Variants in TMEM266 observed in about 807,000 individuals in gnomAD.
TMEM266 encodes Hv1 related protein 1.
TMEM266 carries 33 observed loss-of-function variants against 50.5 expected under a neutral mutation model. The observed-to-expected ratio is 0.65, with a 90% CI of 0.50 to 0.87. The LOEUF is 0.87. TMEM266 is among the 40% of genes least tolerant of loss of function. The pLI is 0.00. For synonymous variants in TMEM266, 310 were observed against 292.3 expected (o/e 1.06, Z -0.62); for missense variants, 655 against 695.1 (o/e 0.94, Z 0.65).
intron 9 of TMEM266, among the ~76,000 whole-genome samples, chr15:76,198,106 G>A (rs1367681243): frequency 6.6e-6 from 1 of 152,172 alleles, no homozygotes; most frequent in Non-Finnish European, 1.5e-5. Context: ...AAACATTCAT[G>A]ATCTCAGGGA....
At chr15:76,099,036 T>C (rs567165645) in intron 1 of TMEM266, among the ~76,000 whole-genome samples, 1 of 152,322 alleles carries the variant, frequency 6.6e-6, no homozygotes, top group East Asian at 1.9e-4. Context: ...TGGGACCCAC[T>C]GAGCCAGACC....
At chr15:76,189,950 C>G (rs2038542909) in intron 8 of TMEM266, among the ~76,000 whole-genome samples, 1 of 152,238 alleles carries the variant, frequency 6.6e-6, no homozygotes, top group South Asian at 2.1e-4. Flanking sequence ...GTCCCAGAGA[C>G]CGAACCTATA....
chr15:76,138,129 G>A (rs904511358), intron 3 of TMEM266, among the ~76,000 whole-genome samples: 2 of 150,308 alleles, frequency 1.3e-5, no homozygotes, highest in East Asian at 3.9e-4. Flanking sequence ...GGCTGAGGCA[G>A]GAGAATTGCT....
chr15:76,196,314 ACATTGTT>A (rs2038655948), intron 9 of TMEM266, among the ~76,000 whole-genome samples: 2 of 152,140 alleles, frequency 1.3e-5, no homozygotes, highest in Admixed American at 6.5e-5. Flanking sequence ...CAGCCTAGGC[ACATTGTT>A]TCACAGCCAG....
In TMEM266 at chr15:76,178,040, CG is replaced by C. The variant is rs112131046; in HGVS notation, c.768+2370del. Among the ~76,000 whole-genome samples the C allele has an allele frequency of 1.6e-4, 24 of 152,238 alleles. 1 individual carries two copies. Among genetic ancestry groups the C allele is most frequent in the African/African-American group, 5.5e-4 (23 of 41,550 alleles). On this transcript the variant is annotated intron_variant, in intron 8 of 10. Coordinates refer to ENST00000388942, the MANE Select transcript of TMEM266 (RefSeq NM_152335.3). ...GGTGTGCGAGTGGGTGCAGTGCCCCCGGGGTTCGGGGCCATTTAGAGGGTGA... is the reference window on the plus strand; with the variant it reads ...GGTGTGCGAGTGGGTGCAGTGCCCCCGGGTTCGGGGCCATTTAGAGGGTGA...
chr15:76,203,705 G>A (rs1220055617), intron 10 of TMEM266, 36 bp from the exon 11 acceptor site: 1 of 1,585,270 alleles, frequency 6.3e-7, no homozygotes, highest in Non-Finnish European at 8.6e-7. Context: ...TGTGGCAGAG[G>A]TTGAAGTGTG....
In TMEM266 at chr15:76,190,861, G is replaced by A. The variant is rs189503682; in HGVS notation, c.769-1107G>A. On this transcript the variant is annotated intron_variant, in intron 8 of 10. Coordinates refer to ENST00000388942, the MANE Select transcript of TMEM266 (RefSeq NM_152335.3). Reference sequence around the variant, plus strand: ...AGGTGACCTCTTAGGCAGGGCGCCCGGGCGTGGTATTTCTCTGTCCGCCCT... The same window carrying A: ...AGGTGACCTCTTAGGCAGGGCGCCCAGGCGTGGTATTTCTCTGTCCGCCCT... 2.4e-3 allele frequency among the ~76,000 whole-genome samples: 363 copies of A among 152,262 alleles called. 1 individual carries two copies. Among genetic ancestry groups the A allele is most frequent in the African/African-American group, 8.5e-3 (352 of 41,562 alleles).
chr15:76,093,751 T>A (rs2141999565), intron 1 of TMEM266, among the ~76,000 whole-genome samples: 1 of 152,208 alleles, frequency 6.6e-6, no homozygotes, highest in East Asian at 1.9e-4. Context: ...AGCATTCCTG[T>A]TTCTCCACAT....
At chr15:76,203,598 A>C (rs1272333165) in intron 10 of TMEM266, 143 bp from the exon 11 acceptor site, 1 of 733,308 alleles carries the variant, frequency 1.4e-6, no homozygotes, top group Non-Finnish European at 2.3e-6. Context: ...AGGGAGTTCT[A>C]CCAAGGCCTC....
In TMEM266 at chr15:76,129,647, CAAAT is replaced by C. The variant is rs547273241; in HGVS notation, c.-96-4513_-96-4510del. Reference sequence around the variant, plus strand: ...ACAAGAGTGAAACTCCATCTCAAAACAAATAAATAAACAAAAAACAAAACAAAAA... The same window carrying C: ...ACAAGAGTGAAACTCCATCTCAAAACAAATAAACAAAAAACAAAACAAAAA... On this transcript the variant is annotated intron_variant, in intron 1 of 10. Coordinates refer to ENST00000388942, the MANE Select transcript of TMEM266 (RefSeq NM_152335.3). 4.0e-5 allele frequency among the ~76,000 whole-genome samples: 6 copies of C among 149,764 alleles called. No individual in the cohort carries two copies. In the South Asian group the frequency reaches 1.3e-3, roughly 31 times the overall value.
intron 5 of TMEM266, among the ~76,000 whole-genome samples, chr15:76,164,905 C>A (rs930200528): frequency 1.3e-5 from 2 of 152,380 alleles, no homozygotes; most frequent in African/African-American, 4.8e-5. Context: ...CCATTCTGCT[C>A]ACTAAGAGGT....
intron 8 of TMEM266, 119 bp downstream of exon 8, chr15:76,175,793 T>A: frequency 1.3e-6 from 1 of 741,112 alleles, no homozygotes; most frequent in Non-Finnish European, 2.2e-6. Context: ...CTCCAGCCCC[T>A]TGTTGGACTC....
Position 76,137,692 on chromosome 15 carries a change from T to G in TMEM266, c.39-15T>G. The G allele has an allele frequency of 6.2e-7, 1 of 1,613,224 alleles. No individual in the cohort carries two copies. The highest frequency in any genetic ancestry group is 1.7e-5 in the Admixed American group (1 of 59,936). ...GAAGATAACTCTTTCCCATTGTTCC[T>G]CCTCTCCAACCCAGGCCTGCCATAG... On this transcript the variant is annotated splice_polypyrimidine_tract_variant and intron_variant, in intron 2 of 10. Coordinates refer to ENST00000388942, the MANE Select transcript of TMEM266 (RefSeq NM_152335.3).
intron 1 of TMEM266, among the ~76,000 whole-genome samples, chr15:76,078,679 A>G (rs2036640187): frequency 6.6e-6 from 1 of 152,156 alleles, no homozygotes; most frequent in African/African-American, 2.4e-5. Context: ...GCACTTACAT[A>G]TGAGGGTGAA....
chr15:76,086,940 G>A (rs531985397), intron 1 of TMEM266, among the ~76,000 whole-genome samples: 2,320 of 150,094 alleles, frequency 0.015, 76 homozygotes, highest in African/African-American at 0.054. Flanking sequence ...GGGGGGGGGC[G>A]GTGGTGTTGC....
intron 1 of TMEM266, among the ~76,000 whole-genome samples, chr15:76,106,349 A>T (rs2037080026): frequency 6.6e-6 from 1 of 151,744 alleles, no homozygotes; most frequent in Non-Finnish European, 1.5e-5. Flanking sequence ...CATCCTTTCT[A>T]CTTTTTTTAA....
intron 1 of TMEM266, among the ~76,000 whole-genome samples, chr15:76,080,546 G>T (rs1174199342): frequency 6.6e-6 from 1 of 151,268 alleles, no homozygotes; most frequent in Non-Finnish European, 1.5e-5. Flanking sequence ...ACCGTGCCCT[G>T]CCAAAGGCAC....
Position 76,085,020 on chromosome 15 carries a change from C to T in TMEM266, c.-97+25004C>T, listed in dbSNP as rs542587192. Among the ~76,000 whole-genome samples, 222 of 150,464 alleles carry T rather than the reference C, an allele frequency of 1.5e-3. 2 individuals are homozygous for T. Among genetic ancestry groups the T allele is most frequent in the African/African-American group, 5.2e-3 (212 of 40,864 alleles). ...TGTTGCCCAGGCTAGAGTGCAGTGG[C>T]GCGATCTCGGCTCACTACAAGCTCC... On this transcript the variant is annotated intron_variant, in intron 1 of 10. Transcript: ENST00000388942.
intron 1 of TMEM266, among the ~76,000 whole-genome samples, chr15:76,086,406 G>T (rs1023718212): frequency 6.6e-6 from 1 of 152,192 alleles, no homozygotes. Context: ...ACTTTCTGGG[G>T]TGATGGAAAT....
Sources: gnomAD v4.1 joint callset for allele counts (sites outside exome capture counted in the v4.1 genomes callset) on GRCh38, gnomAD v4.1.1 for gene constraint, MANE v1.5 for transcripts, NCBI Gene and HGNC (gene_info 2026-07-23, HGNC 2026-07-21) for gene names.